Variants in ZMYND8 observed in about 807,000 individuals in gnomAD.
The protein encoded by ZMYND8 is MYND-type zinc finger-containing chromatin reader ZMYND8.
A neutral mutation model predicts 140.8 loss-of-function variants in ZMYND8; 37 were observed. The observed-to-expected ratio is 0.26, with a 90% CI of 0.20 to 0.35. The LOEUF (loss-of-function observed/expected upper bound fraction) is 0.35, where lower values mean the gene tolerates loss of function less well. ZMYND8 is among the 10% of genes least tolerant of loss of function. The pLI, the probability that ZMYND8 is intolerant of heterozygous loss-of-function variation, is 1.00. For synonymous variants in ZMYND8, 592 were observed against 597.1 expected (o/e 0.99, Z 0.12); for missense variants, 1,068 against 1,570.0 (o/e 0.68, Z 5.40).
chr20:47,341,330 T>A (rs1010075771), intron 2 of ZMYND8, among the ~76,000 whole-genome samples: 2 of 150,362 alleles, frequency 1.3e-5, no homozygotes, highest in African/African-American at 2.5e-5. Context: ...AGTTCGAGAC[T>A]AGCCTGGCTA....
At chr20:47,283,756 G>C (rs1045415985) in intron 8 of ZMYND8, 108 bp from the exon 9 acceptor site, 5 of 1,096,310 alleles carry the variant, frequency 4.6e-6, no homozygotes, top group Non-Finnish European at 4.0e-6. Context: ...AAGTCCCATA[G>C]AGGGAACACC....
At chr20:47,354,228 T>A (rs1602217844) in intron 1 of ZMYND8, 1 of 152,302 alleles carries the variant, frequency 6.6e-6, no homozygotes, top group Non-Finnish European at 1.5e-5. Context: ...TGAAAACAGA[T>A]CTTGGCTCTC....
intron 12 of ZMYND8, among the ~76,000 whole-genome samples, chr20:47,255,592 G>A (rs372404738): frequency 0.61 from 77,640 of 127,088 alleles, 23,579 homozygotes; most frequent in African/African-American, 0.73. Flanking sequence ...GTGTGTGTGT[G>A]TGTATATATA....
intron 2 of ZMYND8, among the ~76,000 whole-genome samples, chr20:47,330,755 T>C (rs1461822447): frequency 6.6e-6 from 1 of 152,164 alleles, no homozygotes; most frequent in Admixed American, 6.6e-5. Flanking sequence ...AACAAAGCCA[T>C]CCTCTCTCGC....
intron 3 of ZMYND8, 35 bp downstream of exon 3, chr20:47,310,021 A>G (rs760341651): frequency 6.2e-7 from 1 of 1,613,432 alleles, no homozygotes; most frequent in Non-Finnish European, 8.5e-7. Context: ...CCTCTGTCCC[A>G]CCAGTGAGGA....
At chr20:47,297,592 C>A (rs2077724589) in intron 4 of ZMYND8, among the ~76,000 whole-genome samples, 1 of 152,008 alleles carries the variant, frequency 6.6e-6, no homozygotes, top group African/African-American at 2.4e-5. Flanking sequence ...CAGCTAATTT[C>A]TTTAAACTTT....
At chr20:47,347,729 T>A (rs2082446012) in intron 2 of ZMYND8, 127 bp downstream of exon 2, 1 of 913,492 alleles carries the variant, frequency 1.1e-6, no homozygotes. Flanking sequence ...AAATCTTATA[T>A]CTGAAAATCC....
At chr20:47,318,951 C>T (rs755576971) in intron 2 of ZMYND8, 1 of 1,351,198 alleles carries the variant, frequency 7.4e-7, no homozygotes, top group South Asian at 1.1e-5. Flanking sequence ...AGGCACTTAC[C>T]TGCCATTGAG....
At chr20:47,299,042 T>C (rs2077824620) in intron 3 of ZMYND8, 95 bp from the exon 4 acceptor site, 3 of 1,181,822 alleles carry the variant, frequency 2.5e-6, no homozygotes, top group Non-Finnish European at 3.7e-6. Context: ...CAAAAGAAAA[T>C]AACAGCATTT....
At chr20:47,350,490 A>T (rs1260066414) in intron 1 of ZMYND8, among the ~76,000 whole-genome samples, 1 of 151,690 alleles carries the variant, frequency 6.6e-6, no homozygotes, top group Non-Finnish European at 1.5e-5. Flanking sequence ...ATTTAGTGTT[A>T]AGAACTAGTA....
chr20:47,231,032 G>A (rs998495556), intron 16 of ZMYND8, among the ~76,000 whole-genome samples: 1 of 152,172 alleles, frequency 6.6e-6, no homozygotes, highest in Admixed American at 6.5e-5. Flanking sequence ...GATATGGCTG[G>A]TTTGTCATTT....
At chr20:47,331,604 AG>A (rs1461757092) in intron 2 of ZMYND8, among the ~76,000 whole-genome samples, 1 of 152,182 alleles carries the variant, frequency 6.6e-6, no homozygotes, top group Non-Finnish European at 1.5e-5. Flanking sequence ...AGGCGAGACA[AG>A]GACAGGGCCA....
At chr20:47,239,186 GGT>G in intron 14 of ZMYND8, 48 bp from the exon 15 acceptor site, 1 of 1,484,700 alleles carries the variant, frequency 6.7e-7, no homozygotes, top group Non-Finnish European at 8.9e-7. Flanking sequence ...ATTTCACTCA[GGT>G]TCACCTGCAC....
Position 47,227,186 on chromosome 20 carries a change from A to T in ZMYND8, c.3016+17T>A. ...CCCAAAACCCTCCTCAGTCCAGACC[A>T]GTGTGTCAGGCCTTACCTAAGTTGT... On this transcript the variant is annotated intron_variant, in intron 18 of 22. Coordinates refer to ENST00000471951, the MANE Select transcript of ZMYND8 (RefSeq NM_001281775.3). 6.2e-7 allele frequency: 1 copy of T among 1,614,018 alleles called. No individual in the cohort carries two copies. The highest frequency in any genetic ancestry group is 8.5e-7 in the Non-Finnish European group (1 of 1,179,854).
At chr20:47,271,118 A>G (rs2075917599) in intron 11 of ZMYND8, among the ~76,000 whole-genome samples, 1 of 151,994 alleles carries the variant, frequency 6.6e-6, no homozygotes, top group African/African-American at 2.4e-5. Context: ...ATCTCTCAAT[A>G]CAGAGCCCAT....
intron 2 of ZMYND8, among the ~76,000 whole-genome samples, chr20:47,338,396 T>A (rs2081556221): frequency 1.3e-5 from 2 of 149,742 alleles, no homozygotes; most frequent in African/African-American, 4.9e-5. Flanking sequence ...GGGAACAGAG[T>A]CCCTAAACTT....
chr20:47,220,463 GGA>G (rs1305260956), intron 20 of ZMYND8, 139 bp from the exon 21 acceptor site: 37 of 733,290 alleles, frequency 5.0e-5, no homozygotes, highest in Non-Finnish European at 7.6e-5. Context: ...CGGTCAGGTG[GGA>G]GTGATGGGCA....
intron 21 of ZMYND8, among the ~76,000 whole-genome samples, chr20:47,216,257 G>A (rs2036081385): frequency 6.6e-6 from 1 of 152,148 alleles, no homozygotes; most frequent in Non-Finnish European, 1.5e-5. Context: ...ACTTTGGGAA[G>A]CCAAGGTGGG....
intron 2 of ZMYND8, among the ~76,000 whole-genome samples, chr20:47,333,805 G>A (rs1465114151): frequency 6.7e-6 from 1 of 149,178 alleles, no homozygotes; most frequent in Admixed American, 6.7e-5. Context: ...CTACTCAGGA[G>A]GCTGAGGCAG....
Sources: allele counts gnomAD v4.1 joint callset (sites outside exome capture counted in the v4.1 genomes callset), GRCh38; gene constraint gnomAD v4.1.1; transcripts MANE v1.5; gene names NCBI Gene and HGNC (gene_info 2026-07-23, HGNC 2026-07-21).